NIPSNAP3B: variants seen among roughly 807,000 people sequenced by gnomAD.
The protein encoded by NIPSNAP3B is nipsnap homolog 3B, also known as protein NipSnap homolog 3B.
A neutral mutation model predicts 31.5 loss-of-function variants in NIPSNAP3B; 30 were observed. The ratio of observed to expected loss-of-function variants is 0.95; its 90% confidence interval spans 0.71 to 1.29. The LOEUF is 1.29. NIPSNAP3B is among the 50% of genes most tolerant of loss of function. The pLI is 0.00. For missense variants in NIPSNAP3B, 269 were observed against 300.7 expected, an observed-to-expected ratio of 0.89 and a Z score of 0.78; for synonymous variants, 106 against 107.9, an observed-to-expected ratio of 0.98 and a Z score of 0.11.
chr9:104,767,709 A>C (rs1828117595), intron 2 of NIPSNAP3B, among the ~76,000 whole-genome samples: 1 of 152,102 alleles, frequency 6.6e-6, no homozygotes, highest in South Asian at 2.1e-4. Flanking sequence ...TATATAATCC[A>C]CTTATGTGCG....
chr9:104,783,055 G>C, the NIPSNAP3B span: 18 of 152,682 alleles, frequency 1.2e-4, no homozygotes, highest in East Asian at 3.3e-3. Flanking sequence ...GTGAGATTAA[G>C]AGTATCCTAA....
chr9:104,766,230 C>A, intron 1 of NIPSNAP3B, 95 bp from the exon 2 acceptor site: 1 of 886,330 alleles, frequency 1.1e-6, no homozygotes, highest in Non-Finnish European at 1.8e-6. Context: ...GATAATGAGT[C>A]TATGTGTGTT....
At chr9:104,785,087 G>A in the NIPSNAP3B span, among the ~76,000 whole-genome samples, 1 of 152,274 alleles carries the variant, frequency 6.6e-6, no homozygotes, top group East Asian at 1.9e-4. Flanking sequence ...GACCTATTTG[G>A]TACTTTTTTA....
At chr9:104,784,720 T>C in the NIPSNAP3B span, among the ~76,000 whole-genome samples, 1 of 152,192 alleles carries the variant, frequency 6.6e-6, no homozygotes, top group South Asian at 2.1e-4. Context: ...CTTGGCTCAC[T>C]GTAACCTCCA....
chr9:104,768,837 T>A, intron 2 of NIPSNAP3B, 26 bp from the exon 3 acceptor site: 1 of 1,579,172 alleles, frequency 6.3e-7, no homozygotes, highest in South Asian at 1.2e-5. Flanking sequence ...TAAAAAAACA[T>A]TTTCTTAACT....
In NIPSNAP3B at chr9:104,767,567, CCT is replaced by C. The variant is rs139517582; in HGVS notation, c.271+1033_271+1034del. Among the ~76,000 whole-genome samples the C allele has an allele frequency of 5.7e-3, 860 of 152,068 alleles. 9 individuals carry two copies. The highest frequency in any genetic ancestry group is 0.02 in the African/African-American group (810 of 41,500). On this transcript the variant is annotated intron_variant, in intron 2 of 5. Coordinates refer to ENST00000374762, the MANE Select transcript of NIPSNAP3B (RefSeq NM_018376.4). ...GCTTGACGTAACTCTTTAGTTTTTC[CCT>C]GTTATAATAAAACAGACCCTATTAA...
intron 4 of NIPSNAP3B, 35 bp downstream of exon 4, chr9:104,771,033 G>T: frequency 1.2e-6 from 2 of 1,602,416 alleles, no homozygotes; most frequent in Non-Finnish European, 1.7e-6. Context: ...AAGTTGCCAT[G>T]TGTATTAGAT....
At chr9:104,764,486 T>G (rs879344412) in intron 1 of NIPSNAP3B, among the ~76,000 whole-genome samples, 186 bp downstream of exon 1, 34 of 152,232 alleles carry the variant, frequency 2.2e-4, no homozygotes, top group Non-Finnish European at 4.6e-4. Context: ...CGGGGTCGTC[T>G]CGCTGGCAGT....
Position 104,773,165 on chromosome 9 carries a change from T to C in NIPSNAP3B, c.*92T>C. 1 of 1,255,136 alleles carries C rather than the reference T, an allele frequency of 8.0e-7. No individual in the cohort carries two copies. The highest frequency in any genetic ancestry group is 1.3e-5 in the South Asian group (1 of 77,046). 77.7% of individuals were successfully genotyped at this position (1,255,136 alleles called of 1,614,324 possible). On this transcript the variant is annotated 3_prime_UTR_variant, in exon 6 of 6. Transcript: ENST00000374762. ...TCTCCCAAGAGGTTCTCGCTTTTAT[T>C]TGAAGGAGGTGGTAAGTTAATTAGT...
At chr9:104,769,229 G>A (rs1369493939) in intron 3 of NIPSNAP3B, among the ~76,000 whole-genome samples, 1 of 152,072 alleles carries the variant, frequency 6.6e-6, no homozygotes, top group Non-Finnish European at 1.5e-5. Context: ...CGAGGCGGGC[G>A]AATCACTTGA....
chr9:104,772,661 T>A (rs1828248951), intron 4 of NIPSNAP3B, among the ~76,000 whole-genome samples, 161 bp from the exon 5 acceptor site: 1 of 152,212 alleles, frequency 6.6e-6, no homozygotes, highest in Non-Finnish European at 1.5e-5. Context: ...AAATTTATCT[T>A]CCAAATTTCT....
chr9:104,772,677 C>G, intron 4 of NIPSNAP3B, 145 bp from the exon 5 acceptor site: 1 of 995,514 alleles, frequency 1.0e-6, no homozygotes, highest in Non-Finnish European at 1.5e-6. Context: ...TTTCTGATCC[C>G]TCTGAAATCT....
At chr9:104,783,528 C>T in the NIPSNAP3B span, 1 of 152,198 alleles carries the variant, frequency 6.6e-6, no homozygotes, top group South Asian at 2.1e-4. Context: ...TTACCAGGAT[C>T]TAAGTATATT....
the NIPSNAP3B span, among the ~76,000 whole-genome samples, chr9:104,789,015 G>A: frequency 1.3e-5 from 2 of 152,316 alleles, no homozygotes; most frequent in Middle Eastern, 3.4e-3. Context: ...TTATGTGGTG[G>A]TGGGGTGGCT....
the NIPSNAP3B span, chr9:104,782,772 G>A: frequency 2.6e-5 from 4 of 151,638 alleles, no homozygotes; most frequent in Admixed American, 2.6e-4. Context: ...TTTCAAGCTA[G>A]CTGTTTTCCC....
chr9:104,783,891 T>C, the NIPSNAP3B span: 2 of 175,032 alleles, frequency 1.1e-5, no homozygotes, highest in African/African-American at 4.8e-5. Context: ...TGGCATGGCT[T>C]AGTGAATGAG....
At chr9:104,782,135 T>C (rs1178505471), downstream of NIPSNAP3B, 1 of 152,182 alleles carries the variant, frequency 6.6e-6, no homozygotes, top group South Asian at 2.1e-4. Context: ...TTTAGTAAAA[T>C]GAGGAAACCA....
Position 104,776,794 on chromosome 9 carries a change from G to T in NIPSNAP3B, c.*3721G>T, listed in dbSNP as rs1828347333. On this transcript the variant is annotated 3_prime_UTR_variant, in exon 6 of 6. Transcript: ENST00000374762. ...GAAACCGAATTCTATGACAGCAAGG[G>T]TTTTTGTTTTCATTATTGTCATATT... Among the ~76,000 whole-genome samples, 1 of 152,090 alleles carries T rather than the reference G, an allele frequency of 6.6e-6. No homozygotes were observed.
chr9:104,764,341 G>T (rs1007680739), intron 1 of NIPSNAP3B, 41 bp downstream of exon 1: 5 of 1,507,464 alleles, frequency 3.3e-6, no homozygotes, highest in Middle Eastern at 2.3e-4. Flanking sequence ...GGCCGGAGGG[G>T]AGGGGAGGGG....
Sources: allele counts gnomAD v4.1 joint callset (sites outside exome capture counted in the v4.1 genomes callset), GRCh38; gene constraint gnomAD v4.1.1; transcripts MANE v1.5; gene names NCBI Gene and HGNC (gene_info 2026-07-23, HGNC 2026-07-21).